The following APOB variants were observed in gnomAD, a reference collection of about 807,000 sequenced individuals.
APOB encodes apolipoprotein B.
Under a neutral mutation model 314.1 loss-of-function variants are expected in APOB, and 153 were observed. That is an observed-to-expected ratio of 0.49 (90% confidence interval 0.43 to 0.56). The LOEUF (loss-of-function observed/expected upper bound fraction) is 0.56, where lower values mean the gene tolerates loss of function less well. Among genes scored for constraint, APOB ranks in the 20% least tolerant of loss-of-function variants. APOB has a pLI of 0.00. For missense variants in APOB, 5,430 were observed against 5,350.7 expected (o/e 1.01, Z -0.46); for synonymous variants, 2,087 against 2,036.4 (o/e 1.02, Z -0.67).
At position 21,001,775 on chromosome 2, in the gene APOB, G is replaced by A. The variant is rs374018447; in HGVS notation, c.13647C>T (p.Asn4549=). 6 of 1,613,882 alleles carry A rather than the reference G, an allele frequency of 3.7e-6. No individual in the cohort carries two copies. The African/African-American group carries it at 8.0e-5, about 22-fold the overall frequency. The change falls in exon 29 of 29, where the codon AAC becomes AAT. Residue 4549 remains asparagine, a synonymous_variant. Coordinates refer to ENST00000233242, the MANE Select transcript of APOB (RefSeq NM_000384.3). ...CTCCTGGAGCAAGCTTCATGTAGGG[G>A]TTCATGACTGTGGTTGATTGCAGCT... ...LKKLQSTTVM[N]PYMKLAPGEL...
chr2:21,002,070 T>C lies in APOB; in HGVS notation c.13352A>G (p.Tyr4451Cys). The stretch of plus-strand genomic sequence containing the variant: ...ATCTGGATCGGTAAGGATGCTAAGA[T>C]ATTCCTGAATATTTCTGTGCAGAAA... ...EQFLHRNIQE[Y>C]LSILTDPDGK... Residue 4451 changes from tyrosine to cysteine, a missense_variant, in exon 29 of 29, where the codon TAT becomes TGT. This residue lies in a region of APOB where 3,281 missense variants were observed against 3,171.0 expected (regional missense o/e 1.03). Transcript: ENST00000233242. The C allele has an allele frequency of 1.9e-6, 3 of 1,614,050 alleles. No individual in the cohort carries two copies. The highest frequency in any genetic ancestry group is 2.5e-6 in the Non-Finnish European group (3 of 1,179,980).
chr2:21,012,666 A>T lies in APOB; in HGVS notation c.4217-15T>A, dbSNP rs903286712. 2 of 1,607,762 alleles carry T rather than the reference A, an allele frequency of 1.2e-6. No individual in the cohort carries two copies. The highest frequency in any genetic ancestry group is 1.7e-6 in the Non-Finnish European group (2 of 1,179,100). On this transcript the variant is annotated splice_polypyrimidine_tract_variant and intron_variant, in intron 25 of 28. Transcript: ENST00000233242. ...TTCTCCAGATCCTAACATAAAAATGAAAAGACATTGGTTAAATTAAGCAGT... is the reference window on the plus strand; with the variant it reads ...TTCTCCAGATCCTAACATAAAAATGTAAAGACATTGGTTAAATTAAGCAGT...
In APOB at chr2:21,009,662, C is replaced by T; in HGVS notation, c.7206G>A (p.Lys2402=). Residue 2402 remains lysine, a synonymous_variant, in exon 26 of 29, where the codon AAG becomes AAA. Coordinates refer to ENST00000233242, the MANE Select transcript of APOB (RefSeq NM_000384.3). ...KLVGFIDDAV[K]KLNELSFKTF... ...TTTTAAAAGATAATTCATTAAGCTT[C>T]TTGACAGCATCATCAATAAATCCAA... 1 of 1,613,346 alleles carries T rather than the reference C, an allele frequency of 6.2e-7. No individual in the cohort carries two copies. The highest frequency in any genetic ancestry group is 8.5e-7 in the Non-Finnish European group (1 of 1,179,558).
chr2:21,016,800 T>C lies in APOB; in HGVS notation c.3122-151A>G, dbSNP rs182567637. 1.1e-3 allele frequency: 709 copies of C among 671,110 alleles called. 4 individuals carry two copies. Among genetic ancestry groups the C allele is most frequent in the East Asian group, 5.4e-3 (195 of 36,352 alleles). The allele number at this position is 671,110 out of a possible 1,614,324, so 41.6% of individuals were successfully genotyped here. On this transcript the variant is annotated intron_variant, in intron 20 of 28. Coordinates refer to ENST00000233242, the MANE Select transcript of APOB (RefSeq NM_000384.3). The stretch of plus-strand genomic sequence containing the variant: ...GAGATCAAGACCATTCTGGCTAACA[T>C]GGTGAAACCCCGTCTCTACTAAAAA...
chr2:21,042,147 C>T (rs1207004839), intron 3 of APOB, among the ~76,000 whole-genome samples: 1 of 152,148 alleles, frequency 6.6e-6, no homozygotes, highest in Admixed American at 6.5e-5. Flanking sequence ...TTCTGACTTG[C>T]GAAATTTGGT....
chr2:21,012,740 C>T (rs1663361393), intron 25 of APOB, 89 bp from the exon 26 acceptor site: 1 of 1,454,106 alleles, frequency 6.9e-7, no homozygotes, highest in Non-Finnish European at 9.4e-7. Flanking sequence ...TAATAAAGCC[C>T]CATTTTTCTG....
intron 4 of APOB, among the ~76,000 whole-genome samples, chr2:21,039,893 G>A (rs896110386): frequency 2.0e-5 from 3 of 152,220 alleles, no homozygotes; most frequent in African/African-American, 7.2e-5. Flanking sequence ...TGGCAAGAAA[G>A]GACTGGCATC....
rs72654413 is a variant in APOB at position 21,004,722 on chromosome 2, C to A, written c.11789-47G>T. 33 of 1,405,802 alleles carry A rather than the reference C, an allele frequency of 2.3e-5. 1 individual carries two copies. The Admixed American group carries it at 5.5e-4, about 24-fold the overall frequency. The allele number at this position is 1,405,802 out of a possible 1,614,324, so 87.1% of individuals were successfully genotyped here. A position where few individuals can be genotyped will look rare whatever the true frequency, so the allele number is the denominator to read the frequency against. On this transcript the variant is annotated intron_variant, in intron 26 of 28. Coordinates refer to ENST00000233242, the MANE Select transcript of APOB (RefSeq NM_000384.3). ...TTTTATTAGATTCATAACAGTAGGA[C>A]GTTGATGTTTTCATTGTGAAAACTG...
chr2:21,032,655 T>G (rs1663910420), intron 9 of APOB, 74 bp from the exon 10 acceptor site: 9 of 1,223,290 alleles, frequency 7.4e-6, no homozygotes, highest in Non-Finnish European at 9.5e-6. Flanking sequence ...TGGTGTGTCC[T>G]CTGCCAGGAG....
In APOB at chr2:21,006,200, G is replaced by C; in HGVS notation, c.10668C>G (p.Leu3556=). Residue 3556 remains leucine, a synonymous_variant, in exon 26 of 29, where the codon CTC becomes CTG. Transcript: ENST00000233242. ...GCTCCCAGAGGGAATATATGCGTTG[G>C]AGTGTGGCTTCTCCAGCAAAATTTT... ...VKENFAGEAT[L]QRIYSLWEHS... is the part of the protein sequence containing the mutation. 1 of 1,614,046 alleles carries C rather than the reference G, an allele frequency of 6.2e-7. No individual in the cohort carries two copies. The highest frequency in any genetic ancestry group is 8.5e-7 in the Non-Finnish European group (1 of 1,179,958).
At chr2:21,015,586 T>C in intron 21 of APOB, 41 bp from the exon 22 acceptor site, 1 of 1,595,932 alleles carries the variant, frequency 6.3e-7, no homozygotes, top group East Asian at 2.2e-5. Context: ...GATTTTGTCC[T>C]TTCAATGGAG....
chr2:21,009,262 G>C lies in APOB; in HGVS notation c.7606C>G (p.Leu2536Val). Residue 2536 changes from leucine to valine, a missense_variant, in exon 26 of 29, where the codon CTG becomes GTG. Leu to Val is a conservative substitution (Grantham distance 32). This residue lies in a region of APOB where 3,281 missense variants were observed against 3,171.0 expected (regional missense o/e 1.03). Transcript: ENST00000233242. ...CTATAAACCTGGCCTACCAGAGACA[G>C]GTATCGTTGAAGTTCCTGCTGAATG... is the stretch of plus-strand genomic sequence containing the variant. ...MDIQQELQRY[L>V]SLVGQVYSTL... is the part of the protein sequence containing the mutation. 1 of 1,614,114 alleles carries C rather than the reference G, an allele frequency of 6.2e-7. No individual in the cohort carries two copies. The highest frequency in any genetic ancestry group is 8.5e-7 in the Non-Finnish European group (1 of 1,179,974).
At chr2:21,036,189 C>T (rs558174053) in intron 6 of APOB, among the ~76,000 whole-genome samples, 51 of 152,266 alleles carry the variant, frequency 3.3e-4, no homozygotes, top group African/African-American at 1.1e-3. Context: ...GAGTATACCA[C>T]GTATACTTTA....
At chr2:21,025,559 C>T (rs566529244) in intron 15 of APOB, among the ~76,000 whole-genome samples, 11 of 152,116 alleles carry the variant, frequency 7.2e-5, no homozygotes, top group African/African-American at 2.7e-4. Flanking sequence ...TGATCCTAGA[C>T]AAGTTCTTCT....
Position 21,011,735 on chromosome 2 carries a change from T to A in APOB, c.5133A>T (p.Gly1711=). ...CCAGAATCATGGCCTGATAAGCACT[T>A]CCCAGTGATAGCTCTGTGAGGGCGG... ...GKAALTELSL[G]SAYQAMILGV... The change falls in exon 26 of 29, where the codon GGA becomes GGT. Residue 1711 remains glycine, a synonymous_variant. Coordinates refer to ENST00000233242, the MANE Select transcript of APOB (RefSeq NM_000384.3). 1 of 1,614,168 alleles carries A rather than the reference T, an allele frequency of 6.2e-7. No homozygotes were observed. The highest frequency in any genetic ancestry group is 8.5e-7 in the Non-Finnish European group (1 of 1,180,038).
chr2:21,043,700 C>T, intron 1 of APOB, 149 bp from the exon 2 acceptor site: 5 of 1,505,774 alleles, frequency 3.3e-6, no homozygotes, highest in East Asian at 2.5e-5. Context: ...ATCCCGCGCC[C>T]CCCATCCTGA....
At chr2:21,023,172 G>T in intron 17 of APOB, 130 bp from the exon 18 acceptor site, 1 of 883,194 alleles carries the variant, frequency 1.1e-6, no homozygotes, top group Non-Finnish European at 1.9e-6. Context: ...ACATTACTGG[G>T]ATTTGTTTGG....
Position 21,011,127 on chromosome 2 carries a change from T to C in APOB, c.5741A>G (p.Asn1914Ser), listed in dbSNP as rs1801699. The change falls in exon 26 of 29, where the codon AAT becomes AGT. Residue 1914 changes from asparagine (N) to serine (S), a missense_variant. By Grantham distance (46) the Asn-to-Ser change is conservative. Transcript: ENST00000233242. ...TMTIDAHTNG[N>S]GKLALWGEHT... ...TTCTCCCCAGAGAGCGAGTTTCCCA[T>C]TGCCATTTGTATGTGCATCGATGGT... is the stretch of plus-strand genomic sequence containing the variant. 0.019 allele frequency: 30,768 copies of C among 1,614,218 alleles called. 424 individuals carry two copies. The highest frequency in any genetic ancestry group is 0.058 in the Admixed American group (3,485 of 60,022).
At chr2:21,042,816 T>C (rs1164049946) in intron 2 of APOB, among the ~76,000 whole-genome samples, 1 of 151,860 alleles carries the variant, frequency 6.6e-6, no homozygotes, top group Non-Finnish European at 1.5e-5. Flanking sequence ...GTACTATCTC[T>C]AATGCTTTTT....
Sources: allele counts gnomAD v4.1 joint callset (sites outside exome capture counted in the v4.1 genomes callset), GRCh38; gene constraint gnomAD v4.1.1; regional missense constraint gnomAD v4.1.1; transcripts MANE v1.5; gene names NCBI Gene and HGNC (gene_info 2026-07-23, HGNC 2026-07-21).